The following THBS2 variants were observed in gnomAD, a reference collection of about 807,000 sequenced individuals.
THBS2 encodes thrombospondin-2.
A neutral mutation model predicts 135.2 loss-of-function variants in THBS2; 47 were observed. That is an observed-to-expected ratio of 0.35 (90% CI 0.28 to 0.44). The LOEUF (loss-of-function observed/expected upper bound fraction) is 0.44, where lower values mean the gene tolerates loss of function less well. THBS2 is among the 20% of genes least tolerant of loss of function. The pLI, the probability that THBS2 is intolerant of heterozygous loss-of-function variation, is 1.00. For missense variants in THBS2, 1,288 were observed against 1,603.1 expected, an observed-to-expected ratio of 0.80 and a Z score of 3.36; for synonymous variants, 639 against 633.8, an observed-to-expected ratio of 1.01 and a Z score of -0.12.
Position 169,232,519 on chromosome 6 carries a change from G to A in THBS2, c.1932+145C>T, listed in dbSNP as rs1475556724. The A allele has an allele frequency of 2.9e-6, 4 of 1,360,014 alleles. No homozygotes were observed. In the East Asian group the frequency reaches 9.2e-5, roughly 31 times the overall value. 84.2% of individuals were successfully genotyped at this position (1,360,014 alleles called of 1,614,324 possible). A position where few individuals can be genotyped will look rare whatever the true frequency, so the allele number is the denominator to read the frequency against. On this transcript the variant is annotated intron_variant, in intron 12 of 21. Coordinates refer to ENST00000617924, the MANE Select transcript of THBS2 (RefSeq NM_003247.5). ...CGGAGAGCAGCGGCCCAGCCGAGCA[G>A]GTGCTCAGCTTCCCCGGGCCAGCCC...
At chr6:169,221,072 A>T (rs2114972840) in intron 20 of THBS2, among the ~76,000 whole-genome samples, 1 of 152,360 alleles carries the variant, frequency 6.6e-6, no homozygotes, top group African/African-American at 2.4e-5. Context: ...CGTGTTTTAA[A>T]TTCAGCCATT....
chr6:169,246,167 T>C lies in THBS2; in HGVS notation c.694+30A>G, dbSNP rs199901851. ...CAATAGAAATCCATCCAAGCCAGTATATAAAATGCATTTTTCACAACACAC... is the reference window on the plus strand; with the variant it reads ...CAATAGAAATCCATCCAAGCCAGTACATAAAATGCATTTTTCACAACACAC... On this transcript the variant is annotated intron_variant, in intron 4 of 21. Transcript: ENST00000617924. The C allele has an allele frequency of 1.3e-3, 2,131 of 1,579,444 alleles. 4 individuals carry two copies. The highest frequency in any genetic ancestry group is 1.7e-3 in the Non-Finnish European group (1,925 of 1,148,742).
chr6:169,220,227 T>A lies in THBS2; in HGVS notation c.3482A>T (p.Tyr1161Phe), dbSNP rs1779373891. The change falls in exon 21 of 22, where the codon TAT becomes TTT. Residue 1161 changes from tyrosine to phenylalanine, a missense_variant. Physicochemically the swap from Tyr to Phe is conservative, Grantham distance 22. Transcript: ENST00000617924. ...GLFVFSQEMVYFSDLKYECRD... is the reference protein window; with the variant it reads ...GLFVFSQEMVFFSDLKYECRD... ...GCATTCGTACTTGAGGTCTGAGAAA[T>A]AGACCATTTCTTGAGAGAAGACAAA... The A allele has an allele frequency of 1.2e-6, 2 of 1,613,752 alleles. No individual in the cohort carries two copies. The highest frequency in any genetic ancestry group is 2.7e-5 in the African/African-American group (2 of 74,906).
chr6:169,237,578 C>T (rs750470196), intron 8 of THBS2, 47 bp downstream of exon 8: 33 of 1,606,640 alleles, frequency 2.1e-5, no homozygotes, highest in Admixed American at 5.0e-5. Context: ...GAGAGAAACG[C>T]GGCCCCACCC....
intron 1 of THBS2, 100 bp from the exon 2 acceptor site, chr6:169,250,906 T>C: frequency 1.4e-6 from 1 of 710,722 alleles, no homozygotes; most frequent in South Asian, 2.6e-5. Context: ...TGAATAACAG[T>C]TTGCATATAA....
intron 10 of THBS2, among the ~76,000 whole-genome samples, chr6:169,233,782 A>G (rs1358296179): frequency 6.7e-6 from 1 of 149,844 alleles, no homozygotes; most frequent in Non-Finnish European, 1.5e-5. Context: ...CAGACCACAC[A>G]ACTACCATGT....
chr6:169,233,067 A>T (rs1779907824), intron 10 of THBS2, 50 bp from the exon 11 acceptor site: 16 of 1,460,322 alleles, frequency 1.1e-5, no homozygotes, highest in South Asian at 1.4e-5. Flanking sequence ...TGCGCAGCAC[A>T]GAAGGAAGCC....
intron 4 of THBS2, among the ~76,000 whole-genome samples, chr6:169,242,633 CA>C (rs67873879): frequency 0.27 from 7,528 of 27,482 alleles, 1,098 homozygotes; most frequent in African/African-American, 0.31. Flanking sequence ...ACCTTCCCAC[CA>C]CTCCCACCTT....
At position 169,237,286 on chromosome 6, in the gene THBS2, C is replaced by G. The variant is rs1380058901; in HGVS notation, c.1361G>C (p.Gly454Ala). The G allele has an allele frequency of 6.2e-7, 1 of 1,613,396 alleles. No individual in the cohort carries two copies. The highest frequency in any genetic ancestry group is 1.7e-5 in the Admixed American group (1 of 60,012). Residue 454 changes from glycine (G) to alanine (A), a missense_variant, in exon 9 of 22, where the codon GGA (glycine) becomes GCA (alanine). Physicochemically the swap from Gly to Ala is moderately conservative, Grantham distance 60. Transcript: ENST00000617924. ...SPWSSCSVTC[G>A]VGNITRIRLC... ...ACGGATGCGTGTGATATTGCCAACT[C>G]CACAGGTCACAGAGCATGAAGACCA...
intron 13 of THBS2, among the ~76,000 whole-genome samples, chr6:169,230,902 C>T (rs1290116545): frequency 6.6e-6 from 1 of 152,124 alleles, no homozygotes; most frequent in Non-Finnish European, 1.5e-5. Flanking sequence ...AAAATTAACA[C>T]AAAATTTGCA....
At chr6:169,237,136 C>T (rs369731495) in intron 9 of THBS2, 34 bp downstream of exon 9, 60 of 1,574,500 alleles carry the variant, frequency 3.8e-5, no homozygotes, top group Non-Finnish European at 4.9e-5. Flanking sequence ...CCTGCAAGCC[C>T]GCCCACCCAG....
chr6:169,245,128 A>G (rs1780498618), intron 4 of THBS2, among the ~76,000 whole-genome samples: 1 of 152,226 alleles, frequency 6.6e-6, no homozygotes, highest in African/African-American at 2.4e-5. Context: ...ACACGGCCAC[A>G]CCGTGTGGCA....
chr6:169,249,540 G>T (rs1352383540), intron 2 of THBS2, among the ~76,000 whole-genome samples: 1 of 152,222 alleles, frequency 6.6e-6, no homozygotes, highest in Non-Finnish European at 1.5e-5. Context: ...TTGCTTTCTT[G>T]TTGAGATCAA....
chr6:169,242,093 G>T, intron 4 of THBS2, 135 bp from the exon 5 acceptor site: 1 of 1,006,498 alleles, frequency 9.9e-7, no homozygotes, highest in Non-Finnish European at 1.4e-6. Context: ...GGAGGACTGG[G>T]CCAGCAGCAG....
Position 169,248,590 on chromosome 6 carries a change from C to A in THBS2, c.436G>T (p.Asp146Tyr), listed in dbSNP as rs1257435118. The part of the protein sequence containing the change: ...VVSLEDVGLA[D>Y]SQWKNVTVQV... Reference sequence around the variant, plus strand: ...ACGGTGACGTTCTTCCACTGCGAGTCAGCCAGGCCGACGTCCTCCAGGGAG... The same window carrying A: ...ACGGTGACGTTCTTCCACTGCGAGTAAGCCAGGCCGACGTCCTCCAGGGAG... Residue 146 changes from aspartate (D) to tyrosine (Y), a missense_variant, in exon 3 of 22, where the codon GAC (aspartate) becomes TAC (tyrosine). Asp to Tyr is a radical substitution (Grantham distance 160). Transcript: ENST00000617924. 3 of 1,614,064 alleles carry A rather than the reference C, an allele frequency of 1.9e-6. No homozygotes were observed. Among genetic ancestry groups the A allele is most frequent in the Non-Finnish European group, 2.5e-6 (3 of 1,180,042 alleles).
intron 7 of THBS2, 160 bp downstream of exon 7, chr6:169,239,439 G>T (rs1055055226): frequency 1.5e-5 from 10 of 661,972 alleles, no homozygotes; most frequent in Non-Finnish European, 2.3e-5. Context: ...TCAGTCCTCA[G>T]TGGATGACCA....
In THBS2 at chr6:169,246,267, G is replaced by A. The variant is rs187521022; in HGVS notation, c.624C>T (p.Asn208=). 7.4e-5 allele frequency: 119 copies of A among 1,613,734 alleles called. 1 individual carries two copies. In the East Asian group the frequency reaches 8.7e-4, roughly 12 times the overall value. The part of the protein sequence containing the change: ...RESHFRGLLQ[N]VHLVFENSVE... ...CAGAGTTTTCAAACACTAGGTGGAC[G>A]TTCTGAAGCAAACCCTGTAAGTATA... The change falls in exon 4 of 22, where the codon AAC becomes AAT. Residue 208 remains asparagine (N), a synonymous_variant. Coordinates refer to ENST00000617924, the MANE Select transcript of THBS2 (RefSeq NM_003247.5).
At chr6:169,235,518 G>A (rs888687075) in intron 9 of THBS2, among the ~76,000 whole-genome samples, 3 of 152,042 alleles carry the variant, frequency 2.0e-5, no homozygotes, top group Non-Finnish European at 4.4e-5. Context: ...CCCGAGCCAG[G>A]CCTCCCTGGG....
chr6:169,236,059 CCCATCCACACTCA>C (rs1393969652), intron 9 of THBS2, among the ~76,000 whole-genome samples: 1 of 124,374 alleles, frequency 8.0e-6, no homozygotes, highest in African/African-American at 3.2e-5. Context: ...ACACTCACTC[CCCATCCACACTCA>C]CCATCCACAC....
Sources: gnomAD v4.1 joint callset for allele counts (sites outside exome capture counted in the v4.1 genomes callset) on GRCh38, gnomAD v4.1.1 for gene constraint, MANE v1.5 for transcripts, NCBI Gene and HGNC (gene_info 2026-07-23, HGNC 2026-07-21) for gene names.